CLPB: variants seen among roughly 807,000 people sequenced by gnomAD.
CLPB encodes mitochondrial disaggregase.
In CLPB, 40 loss-of-function variants were observed where a neutral mutation model predicts 78.4. That is an observed-to-expected ratio of 0.51 (90% CI 0.40 to 0.66). The LOEUF (loss-of-function observed/expected upper bound fraction) is 0.66. Ranked by LOEUF, CLPB falls within the 30% of genes least tolerant of loss-of-function variation. The probability of loss-of-function intolerance (pLI) is 0.00; values close to 1 mark genes in which losing one functional copy is unlikely to be tolerated. For synonymous variants in CLPB, 333 were observed against 348.0 expected, an observed-to-expected ratio of 0.96 and a Z score of 0.48; for missense variants, 780 against 886.9, an observed-to-expected ratio of 0.88 and a Z score of 1.53.
chr11:72,420,876 C>T (rs1237792714), intron 2 of CLPB, among the ~76,000 whole-genome samples: 1 of 152,126 alleles, frequency 6.6e-6, no homozygotes, highest in African/African-American at 2.4e-5. Context: ...CTGGGTCTAC[C>T]CAGCAGAACG....
chr11:72,370,326 C>T (rs1951019919), intron 4 of CLPB, among the ~76,000 whole-genome samples: 1 of 152,184 alleles, frequency 6.6e-6, no homozygotes. Flanking sequence ...CAGACACACA[C>T]ACACACACAG....
At chr11:72,411,568 T>C (rs1270894664) in intron 2 of CLPB, among the ~76,000 whole-genome samples, 1 of 152,184 alleles carries the variant, frequency 6.6e-6, no homozygotes, top group African/African-American at 2.4e-5. Context: ...AGTAGATTCC[T>C]AGCAGACGCT....
chr11:72,317,281 C>G (rs1418362852), intron 6 of CLPB, 61 bp from the exon 7 acceptor site: 2 of 1,268,368 alleles, frequency 1.6e-6, no homozygotes, highest in South Asian at 1.4e-5. Context: ...TAGCTTCACT[C>G]TATCCCCCAA....
intron 1 of CLPB, among the ~76,000 whole-genome samples, chr11:72,433,477 T>C (rs1481252625): frequency 2.0e-5 from 3 of 151,340 alleles, no homozygotes; most frequent in Non-Finnish European, 2.9e-5. Context: ...GAGGCGGAGG[T>C]TGCAGTGGGC....
chr11:72,433,981 T>C, intron 1 of CLPB, 91 bp downstream of exon 1: 1 of 1,482,024 alleles, frequency 6.7e-7, no homozygotes, highest in Non-Finnish European at 9.1e-7. Context: ...TCTAAGGATC[T>C]AAACCTATAA....
At chr11:72,420,354 C>T (rs936361069) in intron 2 of CLPB, among the ~76,000 whole-genome samples, 11 of 152,182 alleles carry the variant, frequency 7.2e-5, no homozygotes, top group East Asian at 1.9e-4. Flanking sequence ...ATTAGCTGGG[C>T]GCAGTAGCTG....
At chr11:72,303,562 C>A (rs1412785993) in intron 9 of CLPB, among the ~76,000 whole-genome samples, 1 of 152,170 alleles carries the variant, frequency 6.6e-6, no homozygotes, top group Non-Finnish European at 1.5e-5. Flanking sequence ...ACAGAAGGCT[C>A]TTGGCTCCTC....
chr11:72,395,489 T>C (rs1201058753), intron 3 of CLPB, among the ~76,000 whole-genome samples: 2 of 152,232 alleles, frequency 1.3e-5, no homozygotes, highest in Non-Finnish European at 2.9e-5. Context: ...TGAGCTTCAT[T>C]TTCCCTATCT....
At chr11:72,333,616 T>G (rs1427833454) in intron 5 of CLPB, among the ~76,000 whole-genome samples, 1 of 152,172 alleles carries the variant, frequency 6.6e-6, no homozygotes, top group African/African-American at 2.4e-5. Context: ...CCAGCACAAT[T>G]CCACCTCTCC....
At chr11:72,345,243 T>C (rs1043245923) in intron 5 of CLPB, among the ~76,000 whole-genome samples, 6 of 152,244 alleles carry the variant, frequency 3.9e-5, no homozygotes, top group African/African-American at 1.4e-4. Flanking sequence ...TTATTCATTG[T>C]AGCATTATTT....
rs538494161 is a variant in CLPB, at chr11:72,325,001, G to A, written c.873+4706C>T. Among the ~76,000 whole-genome samples the A allele has an allele frequency of 1.2e-4, 18 of 152,186 alleles. No homozygotes were observed. In the South Asian group the frequency reaches 2.9e-3, roughly 25 times the overall value. ...GGCCTATCTGCCTAATATTCCTGCC[G>A]ATGCATTCTTTGGGTGTGATTAAAA... is the stretch of plus-strand genomic sequence containing the variant. On this transcript the variant is annotated intron_variant, in intron 6 of 15. Coordinates refer to ENST00000538039, the MANE Select transcript of CLPB (RefSeq NM_001258392.3).
intron 3 of CLPB, among the ~76,000 whole-genome samples, chr11:72,386,524 C>CAA (rs1293194630): frequency 1.3e-5 from 2 of 152,086 alleles, no homozygotes; most frequent in Non-Finnish European, 2.9e-5. Flanking sequence ...ATTTCATTAC[C>CAA]TTCAACAGGC....
chr11:72,430,196 G>T, intron 2 of CLPB, 116 bp downstream of exon 2: 1 of 943,626 alleles, frequency 1.1e-6, no homozygotes, highest in Non-Finnish European at 1.7e-6. Context: ...ATGTCACAGG[G>T]GACAGTTCCC....
At chr11:72,411,748 G>C (rs1453249858) in intron 2 of CLPB, 5 of 152,262 alleles carry the variant, frequency 3.3e-5, no homozygotes, top group Non-Finnish European at 4.4e-5. Context: ...CTTTCTTTAG[G>C]ACCAATCAAT....
At chr11:72,307,715 T>C (rs116951669) in intron 8 of CLPB, among the ~76,000 whole-genome samples, 4,264 of 152,260 alleles carry the variant, frequency 0.028, 103 homozygotes, top group Non-Finnish European at 0.038. Context: ...TCACTGTGGC[T>C]TCACGGTCCT....
At chr11:72,340,850 GTTA>G (rs778396819) in intron 5 of CLPB, among the ~76,000 whole-genome samples, 8 of 152,120 alleles carry the variant, frequency 5.3e-5, no homozygotes, top group Non-Finnish European at 1.0e-4. Context: ...AACTTGCAGA[GTTA>G]TTATTATTAT....
At chr11:72,395,011 T>C (rs1303335820) in intron 3 of CLPB, among the ~76,000 whole-genome samples, 3 of 152,176 alleles carry the variant, frequency 2.0e-5, no homozygotes, top group African/African-American at 7.2e-5. Context: ...ATGCTCACAA[T>C]GGTCCTTCTG....
intron 11 of CLPB, among the ~76,000 whole-genome samples, chr11:72,299,422 G>A (rs1390746589): frequency 6.6e-6 from 1 of 152,072 alleles, no homozygotes. Context: ...ATTTTAACTG[G>A]GCCCTGTTTA....
intron 3 of CLPB, among the ~76,000 whole-genome samples, chr11:72,389,978 T>A (rs1410402242): frequency 1.3e-5 from 2 of 152,200 alleles, no homozygotes; most frequent in African/African-American, 2.4e-5. Flanking sequence ...AGGCTAGGGA[T>A]AATCTCCAGA....
Sources: gnomAD v4.1 joint callset for allele counts (sites outside exome capture counted in the v4.1 genomes callset) on GRCh38, gnomAD v4.1.1 for gene constraint, MANE v1.5 for transcripts, NCBI Gene and HGNC (gene_info 2026-07-23, HGNC 2026-07-21) for gene names.